PCDH15: variants seen among roughly 807,000 people sequenced by gnomAD.
PCDH15 encodes protocadherin-15.
In PCDH15, 129 loss-of-function variants were observed where a neutral mutation model predicts 178.5. That is an observed-to-expected ratio of 0.72 (90% CI 0.63 to 0.84). The LOEUF (loss-of-function observed/expected upper bound fraction) is 0.84, where lower values mean the gene tolerates loss of function less well. Ranked by LOEUF, PCDH15 falls within the 40% of genes least tolerant of loss-of-function variation. The pLI, the probability that PCDH15 is intolerant of heterozygous loss-of-function variation, is 0.00. For missense variants in PCDH15, 2,230 were observed against 2,099.9 expected, an observed-to-expected ratio of 1.06 and a Z score of -1.21; for synonymous variants, 800 against 732.0, an observed-to-expected ratio of 1.09 and a Z score of -1.50.
intron 2 of PCDH15, among the ~76,000 whole-genome samples, chr10:55,500,200 A>C (rs1840624410): frequency 6.6e-6 from 1 of 151,730 alleles, no homozygotes; most frequent in Admixed American, 6.6e-5. Flanking sequence ...ATCTTAAAGA[A>C]TGTATTAGGA....
rs180894254 is a variant in PCDH15, at chr10:54,602,408, C to G, written c.91+61764G>C. Among the ~76,000 whole-genome samples, 444 of 152,044 alleles carry G rather than the reference C, an allele frequency of 2.9e-3. 1 individual carries two copies. The highest frequency in any genetic ancestry group is 0.01 in the African/African-American group (433 of 41,536). On this transcript the variant is annotated intron_variant, in intron 2 of 37. Coordinates refer to ENST00000644397, the MANE Select transcript of PCDH15 (RefSeq NM_001384140.1). Reference sequence around the variant, plus strand: ...TTGTCATTGAGACTTTTAGACTTTTCTGCCTATACACCTATATGTCAACTG... The same window carrying G: ...TTGTCATTGAGACTTTTAGACTTTTGTGCCTATACACCTATATGTCAACTG...
intron 25 of PCDH15, among the ~76,000 whole-genome samples, chr10:53,932,299 C>G (rs954112502): frequency 6.6e-6 from 1 of 152,154 alleles, no homozygotes; most frequent in Non-Finnish European, 1.5e-5. Context: ...CAAATCTGGT[C>G]CTTTGGGTTG....
intron 32 of PCDH15, chr10:53,821,625 TGTA>T: frequency 7.9e-7 from 1 of 1,271,800 alleles, no homozygotes; most frequent in Admixed American, 3.6e-5. Flanking sequence ...TTCAAATAAA[TGTA>T]GAACAAATTA....
At chr10:54,166,718 G>GA (rs1467141907) in intron 13 of PCDH15, among the ~76,000 whole-genome samples, 1 of 152,140 alleles carries the variant, frequency 6.6e-6, no homozygotes, top group African/African-American at 2.4e-5. Flanking sequence ...CATCCCCTGT[G>GA]ACTTGCACTT....
At chr10:54,812,566 C>T (rs1952881127) in intron 3 of PCDH15, among the ~76,000 whole-genome samples, 1 of 152,160 alleles carries the variant, frequency 6.6e-6, no homozygotes, top group South Asian at 2.1e-4. Flanking sequence ...TCAAGTGATT[C>T]TCCTGCCTCA....
At chr10:54,139,965 C>A (rs901157387) in intron 14 of PCDH15, among the ~76,000 whole-genome samples, 2 of 151,968 alleles carry the variant, frequency 1.3e-5, no homozygotes, top group African/African-American at 4.8e-5. Flanking sequence ...AAAGTCCAAG[C>A]ATGTCATGGA....
intron 2 of PCDH15, among the ~76,000 whole-genome samples, chr10:55,437,624 A>G (rs945053557): frequency 6.6e-6 from 1 of 152,126 alleles, no homozygotes; most frequent in Non-Finnish European, 1.5e-5. Flanking sequence ...CTCTAGAAAC[A>G]ATAGAAATAG....
intron 2 of PCDH15, among the ~76,000 whole-genome samples, chr10:55,385,714 T>TATATATACACGTATATAG (rs1565084269): frequency 1.3e-3 from 185 of 146,172 alleles, no homozygotes; most frequent in African/African-American, 4.5e-3. Flanking sequence ...TATATATATA[T>TATATATACACGTATATAG]ATATGCATAT....
intron 2 of PCDH15, among the ~76,000 whole-genome samples, chr10:55,041,201 T>C (rs1429350130): frequency 6.6e-6 from 1 of 152,126 alleles, no homozygotes; most frequent in Admixed American, 6.6e-5. Flanking sequence ...AAGTAAAACA[T>C]GTATTCTCAC....
chr10:54,248,101 A>T (rs2056162389), intron 8 of PCDH15, among the ~76,000 whole-genome samples: 1 of 151,652 alleles, frequency 6.6e-6, no homozygotes, highest in Non-Finnish European at 1.5e-5. Flanking sequence ...AAAAATTTTC[A>T]TTTGAAACTA....
At chr10:55,550,488 G>A (rs1320410669) in intron 2 of PCDH15, among the ~76,000 whole-genome samples, 2 of 152,116 alleles carry the variant, frequency 1.3e-5, no homozygotes, top group Admixed American at 6.6e-5. Flanking sequence ...AGTAAGGCAA[G>A]CATGCCCTTG....
intron 11 of PCDH15, 106 bp downstream of exon 11, chr10:54,195,577 A>C (rs547837605): frequency 4.1e-5 from 40 of 971,846 alleles, no homozygotes; most frequent in Non-Finnish European, 6.4e-5. Context: ...ACAGTGACTT[A>C]ATTCTCTCTT....
intron 8 of PCDH15, among the ~76,000 whole-genome samples, chr10:54,295,726 C>T (rs941626101): frequency 5.9e-5 from 9 of 152,214 alleles, no homozygotes; most frequent in African/African-American, 1.2e-4. Context: ...ATTCCAGACA[C>T]ATTTGGCAAC....
intron 2 of PCDH15, among the ~76,000 whole-genome samples, chr10:54,616,465 C>A (rs2093159117): frequency 6.6e-6 from 1 of 151,988 alleles, no homozygotes; most frequent in South Asian, 2.1e-4. Flanking sequence ...GCAAGTGTGT[C>A]CTATTTTTTC....
At chr10:54,873,010 A>C (rs1424421187) in intron 3 of PCDH15, among the ~76,000 whole-genome samples, 1 of 143,252 alleles carries the variant, frequency 7.0e-6, no homozygotes, top group Admixed American at 6.9e-5. Context: ...GCTACCAACC[A>C]TCCAGGAAAA....
At chr10:54,728,121 A>C (rs1942835969) in intron 1 of PCDH15, among the ~76,000 whole-genome samples, 1 of 151,580 alleles carries the variant, frequency 6.6e-6, no homozygotes, top group East Asian at 1.9e-4. Flanking sequence ...TGGCAGAAAC[A>C]TGAAGGTAAA....
At chr10:55,210,841 T>C (rs1178846625) in intron 1 of PCDH15, among the ~76,000 whole-genome samples, 1 of 151,754 alleles carries the variant, frequency 6.6e-6, no homozygotes, top group East Asian at 1.9e-4. Context: ...GTTGGCCGGA[T>C]GGTCTTGATC....
At chr10:55,226,458 TGCAAC>T (rs1841046597) in intron 1 of PCDH15, among the ~76,000 whole-genome samples, 1 of 140,828 alleles carries the variant, frequency 7.1e-6, no homozygotes, top group African/African-American at 2.5e-5. Context: ...CCTGCAACCC[TGCAAC>T]CTCTGTCTCC....
At chr10:54,234,774 G>T (rs973780895) in intron 9 of PCDH15, among the ~76,000 whole-genome samples, 1 of 152,132 alleles carries the variant, frequency 6.6e-6, no homozygotes, top group African/African-American at 2.4e-5. Flanking sequence ...AATTGTAAGA[G>T]TTTATATCTA....
Sources: allele counts gnomAD v4.1 joint callset (sites outside exome capture counted in the v4.1 genomes callset), GRCh38; gene constraint gnomAD v4.1.1; transcripts MANE v1.5; gene names NCBI Gene and HGNC (gene_info 2026-07-23, HGNC 2026-07-21).